The following CACNG2 variants were observed in gnomAD, a reference collection of about 807,000 sequenced individuals.
CACNG2 encodes calcium voltage-gated channel auxiliary subunit gamma 2, also known as voltage-dependent calcium channel gamma-2 subunit.
Under a neutral mutation model 25.9 loss-of-function variants are expected in CACNG2, and 3 were observed. That is an observed-to-expected ratio of 0.12 (90% CI 0.05 to 0.30). The LOEUF (loss-of-function observed/expected upper bound fraction) is 0.30, where lower values mean the gene tolerates loss of function less well. Among genes scored for constraint, CACNG2 ranks in the 10% least tolerant of loss-of-function variants. The pLI is 1.00. For missense variants in CACNG2, 341 were observed against 432.5 expected (o/e 0.79, Z 1.88); for synonymous variants, 167 against 173.3 (o/e 0.96, Z 0.29).
intron 1 of CACNG2, among the ~76,000 whole-genome samples, chr22:36,678,283 G>A (rs2145998815): frequency 6.6e-6 from 1 of 152,308 alleles, no homozygotes; most frequent in Non-Finnish European, 1.5e-5. Context: ...GTAGGAGGAG[G>A]AAAGCCTATT....
rs568377363 is a variant in CACNG2 at position 36,617,427 on chromosome 22, A to G, written c.212-29879T>C. On this transcript the variant is annotated intron_variant, in intron 1 of 3. Transcript: ENST00000300105. ...TCATTTGCTCAGAGGAGGGAACTAA[A>G]TGAGAGGAAGTATACCAGCTTTTGG... Among the ~76,000 whole-genome samples the G allele has an allele frequency of 2.6e-5, 4 of 152,142 alleles. No individual in the cohort carries two copies. The South Asian group carries it at 8.3e-4, about 32-fold the overall frequency.
At chr22:36,655,965 G>T (rs1268898725) in intron 1 of CACNG2, among the ~76,000 whole-genome samples, 1 of 151,770 alleles carries the variant, frequency 6.6e-6, no homozygotes, top group Non-Finnish European at 1.5e-5. Context: ...GTGCCACCAC[G>T]CCCAGTTAAT....
intron 1 of CACNG2, among the ~76,000 whole-genome samples, chr22:36,644,862 T>C (rs1021723476): frequency 6.6e-6 from 1 of 152,192 alleles, no homozygotes. Context: ...GCAAAATTTC[T>C]TGGTAATGGG....
intron 1 of CACNG2, among the ~76,000 whole-genome samples, chr22:36,668,222 G>A (rs989843040): frequency 2.0e-5 from 3 of 152,160 alleles, no homozygotes; most frequent in Non-Finnish European, 4.4e-5. Flanking sequence ...TGCACGGCCC[G>A]TGCCTCCCAG....
intron 2 of CACNG2, among the ~76,000 whole-genome samples, chr22:36,581,243 G>A (rs1935413160): frequency 6.6e-6 from 1 of 152,302 alleles, no homozygotes; most frequent in Admixed American, 6.5e-5. Flanking sequence ...GCTTTATGGA[G>A]GCCGGGGTAG....
In CACNG2 at chr22:36,576,662, G is replaced by A. The variant is rs960843072; in HGVS notation, c.296-10169C>T. Reference sequence around the variant, plus strand: ...GAAGAAAGAGGAGAACAAAGATGGTGGGTGAGAAATAGAAAGAGAAGTCAA... The same window carrying A: ...GAAGAAAGAGGAGAACAAAGATGGTAGGTGAGAAATAGAAAGAGAAGTCAA... On this transcript the variant is annotated intron_variant, in intron 2 of 3. Coordinates refer to ENST00000300105, the MANE Select transcript of CACNG2 (RefSeq NM_006078.5). Among the ~76,000 whole-genome samples the A allele has an allele frequency of 3.3e-5, 5 of 152,064 alleles. No individual in the cohort carries two copies. In the East Asian group the frequency reaches 7.7e-4, roughly 23 times the overall value.
At chr22:36,661,138 A>G (rs1244008121) in intron 1 of CACNG2, among the ~76,000 whole-genome samples, 1 of 152,166 alleles carries the variant, frequency 6.6e-6, no homozygotes, top group Non-Finnish European at 1.5e-5. Context: ...ACCGTTTGAG[A>G]GCAGGCTTGG....
intron 1 of CACNG2, among the ~76,000 whole-genome samples, chr22:36,663,320 G>A (rs1357354769): frequency 1.3e-5 from 2 of 152,152 alleles, no homozygotes; most frequent in African/African-American, 4.8e-5. Flanking sequence ...CGAGTCAAAA[G>A]GTCTTTGGTT....
chr22:36,592,070 C>T (rs185903883), intron 1 of CACNG2, among the ~76,000 whole-genome samples: 9 of 151,794 alleles, frequency 5.9e-5, no homozygotes, highest in East Asian at 3.9e-4. Context: ...ACATTTGTGG[C>T]ATGGGTGCAG....
chr22:36,659,662 CA>C (rs1936760005), intron 1 of CACNG2, among the ~76,000 whole-genome samples: 1 of 110,528 alleles, frequency 9.0e-6, no homozygotes, highest in Non-Finnish European at 1.8e-5. Flanking sequence ...GAGGGAATGG[CA>C]GGGGTGGGAT....
intron 1 of CACNG2, among the ~76,000 whole-genome samples, chr22:36,662,237 C>T (rs1018368158): frequency 6.6e-6 from 1 of 152,090 alleles, no homozygotes; most frequent in Non-Finnish European, 1.5e-5. Context: ...CTGCCTCGTC[C>T]TCCCAAAGTG....
At chr22:36,596,637 T>C (rs777500831) in intron 1 of CACNG2, among the ~76,000 whole-genome samples, 2 of 152,068 alleles carry the variant, frequency 1.3e-5, no homozygotes, top group African/African-American at 4.8e-5. Flanking sequence ...ATTTGCTCCT[T>C]CCATTGGCTC....
chr22:36,612,047 C>A (rs1276820448), intron 1 of CACNG2, among the ~76,000 whole-genome samples: 1 of 152,166 alleles, frequency 6.6e-6, no homozygotes, highest in East Asian at 1.9e-4. Flanking sequence ...TAATGGTAAG[C>A]ACTTTAGCTG....
Position 36,645,536 on chromosome 22 carries a change from C to CAAAAAA in CACNG2, c.211+56824_211+56829dup, listed in dbSNP as rs200600420. Among the ~76,000 whole-genome samples the CAAAAAA allele has an allele frequency of 2.8e-3, 382 of 134,752 alleles. 9 individuals carry two copies. Among genetic ancestry groups the CAAAAAA allele is most frequent in the African/African-American group, 7.3e-3 (265 of 36,284 alleles). 88.4% of individuals were successfully genotyped at this position (134,752 alleles called of 152,430 possible). A position where few individuals can be genotyped will look rare whatever the true frequency, so the allele number is the denominator to read the frequency against. On this transcript the variant is annotated intron_variant, in intron 1 of 3. Coordinates refer to ENST00000300105, the MANE Select transcript of CACNG2 (RefSeq NM_006078.5). ...TGGGCGACAGAGCAAGACTCTGTCT[C>CAAAAAA]AAAAAAAAAAAAAAAAAAAAAAAAA...
chr22:36,582,410 C>CT (rs1215880009), intron 2 of CACNG2, among the ~76,000 whole-genome samples: 5 of 146,000 alleles, frequency 3.4e-5, no homozygotes, highest in South Asian at 2.1e-4. Flanking sequence ...TTCTTTCTTT[C>CT]TTTTTTTTTT....
At chr22:36,590,275 G>A (rs1041331103) in intron 1 of CACNG2, among the ~76,000 whole-genome samples, 7 of 152,162 alleles carry the variant, frequency 4.6e-5, no homozygotes, top group Non-Finnish European at 7.3e-5. Flanking sequence ...GAGGCCGTGC[G>A]AGATAATCAG....
At chr22:36,639,142 G>GTAACT (rs1555898026) in intron 1 of CACNG2, among the ~76,000 whole-genome samples, 1 of 152,186 alleles carries the variant, frequency 6.6e-6, no homozygotes, top group Non-Finnish European at 1.5e-5. Context: ...CCTCGGGAAA[G>GTAACT]TCACTTCACT....
chr22:36,665,043 T>C (rs1310764895), intron 1 of CACNG2, among the ~76,000 whole-genome samples: 1 of 152,076 alleles, frequency 6.6e-6, no homozygotes, highest in African/African-American at 2.4e-5. Flanking sequence ...GGAGAGAGGC[T>C]GACAGGGAGA....
chr22:36,589,470 A>G (rs1383292487), intron 1 of CACNG2, among the ~76,000 whole-genome samples: 1 of 152,216 alleles, frequency 6.6e-6, no homozygotes, highest in East Asian at 1.9e-4. Context: ...GTAGGAATAT[A>G]AGCATTTTAG....
Sources: allele counts gnomAD v4.1 joint callset (sites outside exome capture counted in the v4.1 genomes callset), GRCh38; gene constraint gnomAD v4.1.1; transcripts MANE v1.5; gene names NCBI Gene and HGNC (gene_info 2026-07-23, HGNC 2026-07-21).